The following CPQ variants were observed in gnomAD, a reference collection of about 807,000 sequenced individuals.
CPQ encodes the protein carboxypeptidase Q.
A neutral mutation model predicts 45.7 loss-of-function variants in CPQ; 37 were observed. The observed-to-expected ratio is 0.81, with a 90% CI of 0.62 to 1.07. The LOEUF is 1.07. Among genes scored for constraint, CPQ ranks in the 50% least tolerant of loss-of-function variants. The pLI is 0.00. For missense variants in CPQ, 537 were observed against 572.9 expected (o/e 0.94, Z 0.64); for synonymous variants, 186 against 205.8 (o/e 0.90, Z 0.82).
In CPQ at chr8:97,093,810, C is replaced by T. The variant is rs112661043; in HGVS notation, c.1255+27600C>T. Among the ~76,000 whole-genome samples, 689 of 152,218 alleles carry T rather than the reference C, an allele frequency of 4.5e-3. 6 individuals carry two copies. Among genetic ancestry groups the T allele is most frequent in the African/African-American group, 0.016 (663 of 41,552 alleles). On this transcript the variant is annotated intron_variant, in intron 7 of 7. Coordinates refer to ENST00000220763, the MANE Select transcript of CPQ (RefSeq NM_016134.4). Reference sequence around the variant, plus strand: ...AAATCTTTAAAGTAATCAATTTATCCGCTATTCATTTGCCTTCTACTTTAA... The same window carrying T: ...AAATCTTTAAAGTAATCAATTTATCTGCTATTCATTTGCCTTCTACTTTAA...
Position 96,728,113 on chromosome 8 carries a change from A to T in CPQ, c.-34-56751A>T, listed in dbSNP as rs1809867759. 2.0e-5 allele frequency among the ~76,000 whole-genome samples: 3 copies of T among 152,214 alleles called. No homozygotes were observed. The South Asian group carries it at 6.2e-4, about 32-fold the overall frequency. ...TGTGACATCTCTCAGGTTTACCTTG[A>T]CTTCCAAGTGACCTGATACTGACAG... On this transcript the variant is annotated intron_variant, in intron 1 of 7. Coordinates refer to ENST00000220763, the MANE Select transcript of CPQ (RefSeq NM_016134.4).
chr8:97,102,845 AAAC>A (rs754769974), intron 7 of CPQ, among the ~76,000 whole-genome samples: 6 of 152,204 alleles, frequency 3.9e-5, no homozygotes, highest in Admixed American at 6.5e-5. Context: ...AGATGACTTA[AAAC>A]AACAACAACA....
intron 4 of CPQ, among the ~76,000 whole-genome samples, chr8:96,945,054 G>A (rs977548350): frequency 1.3e-5 from 2 of 152,120 alleles, no homozygotes; most frequent in Non-Finnish European, 1.5e-5. Context: ...CTTAAAGCTC[G>A]TGGAAAAGCT....
chr8:96,690,338 AT>A (rs1809289833), intron 1 of CPQ, among the ~76,000 whole-genome samples: 1 of 152,136 alleles, frequency 6.6e-6, no homozygotes, highest in Admixed American at 6.6e-5. Flanking sequence ...GGGGCACCCC[AT>A]TGTGTTCTAG....
Position 97,122,975 on chromosome 8 carries a change from ATAAAAT to A in CPQ, c.1256-20038_1256-20033del, listed in dbSNP as rs1167799545. Reference sequence around the variant, plus strand: ...ATAAAATAAAATAAAATAAAATAAAATAAAATTAAAATAAAATAAAATAAAATATAA... The same window carrying A: ...ATAAAATAAAATAAAATAAAATAAAATAAAATAAAATAAAATAAAATATAA... On this transcript the variant is annotated intron_variant, in intron 7 of 7. Transcript: ENST00000220763. Among the ~76,000 whole-genome samples, 201 of 80,238 alleles carry A rather than the reference ATAAAAT, an allele frequency of 2.5e-3. 6 individuals carry two copies. The highest frequency in any genetic ancestry group is 3.3e-3 in the Non-Finnish European group (158 of 47,494). 52.6% of individuals were successfully genotyped at this position (80,238 alleles called of 152,430 possible). A position where few individuals can be genotyped will look rare whatever the true frequency, so the allele number is the denominator to read the frequency against.
chr8:96,779,980 T>C (rs1810666590), intron 1 of CPQ, among the ~76,000 whole-genome samples: 1 of 152,188 alleles, frequency 6.6e-6, no homozygotes, highest in Non-Finnish European at 1.5e-5. Context: ...TTAAATATGA[T>C]AGCAACTTTT....
intron 4 of CPQ, among the ~76,000 whole-genome samples, chr8:96,913,845 A>G (rs980697038): frequency 6.6e-6 from 1 of 152,246 alleles, no homozygotes; most frequent in Non-Finnish European, 1.5e-5. Flanking sequence ...TTACACACCC[A>G]CATAATTACC....
At chr8:96,963,848 C>T (rs1041434010) in intron 4 of CPQ, among the ~76,000 whole-genome samples, 3 of 152,090 alleles carry the variant, frequency 2.0e-5, no homozygotes, top group African/African-American at 7.2e-5. Flanking sequence ...ACCCTCCTCA[C>T]CAAGAGTAAT....
chr8:96,701,267 C>G (rs1011500930), intron 1 of CPQ, among the ~76,000 whole-genome samples: 2 of 152,098 alleles, frequency 1.3e-5, no homozygotes, highest in African/African-American at 4.8e-5. Context: ...CATCATTCTT[C>G]CAAGGATTTG....
At chr8:96,877,678 A>G (rs1284456076) in intron 3 of CPQ, among the ~76,000 whole-genome samples, 1 of 152,190 alleles carries the variant, frequency 6.6e-6, no homozygotes, top group Non-Finnish European at 1.5e-5. Flanking sequence ...TATGTATACT[A>G]TCTCTTTTAT....
At chr8:97,108,917 A>G (rs937536452) in intron 7 of CPQ, among the ~76,000 whole-genome samples, 2 of 152,216 alleles carry the variant, frequency 1.3e-5, no homozygotes, top group Admixed American at 1.3e-4. Context: ...ATATTCTGCC[A>G]TGATCCTTAG....
chr8:96,951,782 C>G (rs1411455657), intron 4 of CPQ, among the ~76,000 whole-genome samples: 1 of 151,936 alleles, frequency 6.6e-6, no homozygotes, highest in South Asian at 2.1e-4. Flanking sequence ...AACCAGTGCC[C>G]GCATAAGCAG....
At position 97,076,576 on chromosome 8, in the gene CPQ, T is replaced by C. The variant is rs139641349; in HGVS notation, c.1255+10366T>C. 4.1e-3 allele frequency among the ~76,000 whole-genome samples: 630 copies of C among 152,314 alleles called. 3 individuals are homozygous for C. The highest frequency in any genetic ancestry group is 0.015 in the African/African-American group (607 of 41,568). On this transcript the variant is annotated intron_variant, in intron 7 of 7. Transcript: ENST00000220763. ...CCATCTTTTTTCTTCTTACCACTTA[T>C]GTGTTACAGATGCCAAGTATTTGTC...
intron 7 of CPQ, among the ~76,000 whole-genome samples, chr8:97,067,102 T>C (rs549077238): frequency 1.2e-4 from 18 of 151,906 alleles, no homozygotes; most frequent in African/African-American, 4.1e-4. Flanking sequence ...AACTTTTGTA[T>C]TTTTTACAGA....
intron 1 of CPQ, among the ~76,000 whole-genome samples, chr8:96,646,206 CT>C (rs1815518726): frequency 6.6e-6 from 1 of 151,852 alleles, no homozygotes; most frequent in African/African-American, 2.4e-5. Context: ...GAGTTCTATG[CT>C]GTTCAAATGG....
In CPQ at chr8:96,689,812, C is replaced by A. The variant is rs553967446; in HGVS notation, c.-35+44410C>A. 3.3e-5 allele frequency among the ~76,000 whole-genome samples: 5 copies of A among 152,060 alleles called. No individual in the cohort carries two copies. In the South Asian group the frequency reaches 8.3e-4, roughly 25 times the overall value. ...GGCTAACATCAAGTGTAATTGATTT[C>A]CATTTTCTGTATATATCCTTTTTTC... On this transcript the variant is annotated intron_variant, in intron 1 of 7. Coordinates refer to ENST00000220763, the MANE Select transcript of CPQ (RefSeq NM_016134.4).
chr8:96,675,443 A>G (rs1378883532), intron 1 of CPQ, among the ~76,000 whole-genome samples: 1 of 152,102 alleles, frequency 6.6e-6, no homozygotes, highest in Non-Finnish European at 1.5e-5. Context: ...ATGTACCAAT[A>G]CACATAGATG....
Position 96,651,047 on chromosome 8 carries a change from C to A in CPQ, c.-35+5645C>A, listed in dbSNP as rs557268243. ...ATATTTATCATATATGAAGATTTTT[C>A]TGACTTGGGTATTGAATATGAAGAT... On this transcript the variant is annotated intron_variant, in intron 1 of 7. Coordinates refer to ENST00000220763, the MANE Select transcript of CPQ (RefSeq NM_016134.4). 9.1e-4 allele frequency among the ~76,000 whole-genome samples: 139 copies of A among 152,282 alleles called. 2 individuals carry two copies. The South Asian group carries it at 9.9e-3, about 11-fold the overall frequency.
intron 1 of CPQ, among the ~76,000 whole-genome samples, chr8:96,757,357 A>ATG (rs1810340979): frequency 1.8e-4 from 1 of 5,434 alleles, no homozygotes; most frequent in African/African-American, 2.9e-4. Context: ...TCTCAATGAT[A>ATG]ATAATAATAA....
Sources: allele counts gnomAD v4.1 joint callset (sites outside exome capture counted in the v4.1 genomes callset), GRCh38; gene constraint gnomAD v4.1.1; transcripts MANE v1.5; gene names NCBI Gene and HGNC (gene_info 2026-07-23, HGNC 2026-07-21).